The following PGCKA1 variants were observed in gnomAD, a reference collection of about 807,000 sequenced individuals.
The protein encoded by PGCKA1 is PDCD10 and GCKIII kinases-associated protein 1.
the PGCKA1 span, among the ~76,000 whole-genome samples, chr4:37,542,378 A>G: frequency 6.6e-6 from 1 of 152,226 alleles, no homozygotes; most frequent in South Asian, 2.1e-4. Context: ...TTGAAAAATA[A>G]CATTCTACAA....
the PGCKA1 span, among the ~76,000 whole-genome samples, chr4:37,498,497 T>C: frequency 6.6e-6 from 1 of 152,224 alleles, no homozygotes; most frequent in Admixed American, 6.5e-5. Flanking sequence ...CTTTTGGCAG[T>C]ATGGTCATTT....
chr4:37,462,406 T>C, the PGCKA1 span, among the ~76,000 whole-genome samples: 1 of 152,224 alleles, frequency 6.6e-6, no homozygotes, highest in Non-Finnish European at 1.5e-5. Flanking sequence ...TTCTATTTGG[T>C]CTTTGGAGGA....
the PGCKA1 span, among the ~76,000 whole-genome samples, chr4:37,492,202 A>AT: frequency 3.3e-5 from 5 of 151,890 alleles, no homozygotes; most frequent in East Asian, 9.7e-4. The surrounding 1 kb of genome is among the most constrained non-coding windows in gnomAD (Gnocchi z 4.7). Context: ...CCACCACTGA[A>AT]TTTTTTAACA....
chr4:37,532,981 C>T, the PGCKA1 span, among the ~76,000 whole-genome samples: 1 of 146,698 alleles, frequency 6.8e-6, no homozygotes, highest in East Asian at 2.0e-4. Flanking sequence ...GGGAGGGGGG[C>T]GAGGGATAAA....
chr4:37,479,553 A>G, the PGCKA1 span, among the ~76,000 whole-genome samples: 1 of 152,238 alleles, frequency 6.6e-6, no homozygotes, highest in Non-Finnish European at 1.5e-5. Flanking sequence ...TCAATAGTAG[A>G]AAGATTTGAT....
the PGCKA1 span, chr4:37,460,838 A>G: frequency 2.7e-6 from 1 of 372,140 alleles, no homozygotes. Context: ...TCTTTAGTTT[A>G]ATTAGATCCC....
chr4:37,505,131 G>C, the PGCKA1 span, among the ~76,000 whole-genome samples: 1 of 152,120 alleles, frequency 6.6e-6, no homozygotes, highest in Admixed American at 6.5e-5. Context: ...CATCATTAAG[G>C]GATGTTGAAT....
chr4:37,467,720 A>G, the PGCKA1 span, among the ~76,000 whole-genome samples: 1 of 152,248 alleles, frequency 6.6e-6, no homozygotes. Flanking sequence ...CACTCACTGT[A>G]TCTGTGAATA....
At chr4:37,502,482 C>G in the PGCKA1 span, among the ~76,000 whole-genome samples, 1 of 152,098 alleles carries the variant, frequency 6.6e-6, no homozygotes, top group African/African-American at 2.4e-5. Context: ...TCCACTACCA[C>G]TCTGGTGGTA....
chr4:37,490,689 A>G, the PGCKA1 span, among the ~76,000 whole-genome samples: 1 of 152,156 alleles, frequency 6.6e-6, no homozygotes, highest in South Asian at 2.1e-4. Flanking sequence ...TTGTTTCTCT[A>G]AAAATCAGAA....
the PGCKA1 span, among the ~76,000 whole-genome samples, chr4:37,586,582 G>A: frequency 1.3e-5 from 2 of 152,190 alleles, no homozygotes; most frequent in African/African-American, 4.8e-5. Flanking sequence ...TTTCTGTGCT[G>A]CTGCAGCAAA....
the PGCKA1 span, among the ~76,000 whole-genome samples, chr4:37,488,287 A>G: frequency 1.3e-5 from 2 of 152,226 alleles, no homozygotes; most frequent in African/African-American, 4.8e-5. Flanking sequence ...AAACCAGTGT[A>G]TTAAGACACA....
chr4:37,480,827 G>A, the PGCKA1 span, among the ~76,000 whole-genome samples: 8 of 152,214 alleles, frequency 5.3e-5, no homozygotes, highest in South Asian at 6.2e-4. Flanking sequence ...TGTGGTTTAC[G>A]GTCATGCTGA....
At chr4:37,538,405 T>C in the PGCKA1 span, among the ~76,000 whole-genome samples, 39 of 152,374 alleles carry the variant, frequency 2.6e-4, no homozygotes, top group South Asian at 6.8e-3. Flanking sequence ...CCAAAGGGCA[T>C]TGGGGCATCT....
the PGCKA1 span, among the ~76,000 whole-genome samples, chr4:37,503,561 C>T: frequency 6.6e-6 from 1 of 152,290 alleles, no homozygotes; most frequent in South Asian, 2.1e-4. Flanking sequence ...AGTGGTTGTA[C>T]TAGTTTACAT....
At chr4:37,518,399 A>C in the PGCKA1 span, among the ~76,000 whole-genome samples, 5 of 152,186 alleles carry the variant, frequency 3.3e-5, no homozygotes, top group Non-Finnish European at 7.3e-5. Flanking sequence ...CAGTGTATGC[A>C]GGTTCCCTTT....
the PGCKA1 span, among the ~76,000 whole-genome samples, chr4:37,476,473 A>G: frequency 6.6e-6 from 1 of 152,202 alleles, no homozygotes; most frequent in Non-Finnish European, 1.5e-5. Flanking sequence ...CACATATTTC[A>G]AATACCTTCA....
the PGCKA1 span, among the ~76,000 whole-genome samples, chr4:37,564,135 G>T: frequency 4.8e-3 from 736 of 151,946 alleles, 7 homozygotes; most frequent in Middle Eastern, 6.8e-3. Flanking sequence ...TTAGCTGGGC[G>T]TGGTGGCAGG....
At chr4:37,484,848 T>A in the PGCKA1 span, among the ~76,000 whole-genome samples, 1 of 152,176 alleles carries the variant, frequency 6.6e-6, no homozygotes, top group Non-Finnish European at 1.5e-5. Flanking sequence ...ATCTTGGACT[T>A]CCCAACCTCC....
Sources: gnomAD v4.1 joint callset for allele counts (sites outside exome capture counted in the v4.1 genomes callset) on GRCh38, gnomAD v4.1.1 for gene constraint, Gnocchi (gnomAD v3.1) non-coding constraint, MANE v1.5 for transcripts, NCBI Gene and HGNC (gene_info 2026-07-23, HGNC 2026-07-21) for gene names.